ALKBH3: variants seen among roughly 807,000 people sequenced by gnomAD.
ALKBH3 encodes the protein alpha-ketoglutarate-dependent dioxygenase alkB homolog 3.
ALKBH3 carries 51 observed loss-of-function variants against 43.9 expected under a neutral mutation model. That is an observed-to-expected ratio of 1.16 (90% CI 0.93 to 1.47). The LOEUF (loss-of-function observed/expected upper bound fraction) is 1.47. ALKBH3 is among the 40% of genes most tolerant of loss of function. The pLI is 0.00. For missense variants in ALKBH3, 361 were observed against 351.9 expected (o/e 1.03, Z -0.21); for synonymous variants, 102 against 115.2 (o/e 0.89, Z 0.73).
At chr11:43,890,590 G>A (rs561346575) in intron 6 of ALKBH3, among the ~76,000 whole-genome samples, 1 of 152,276 alleles carries the variant, frequency 6.6e-6, no homozygotes, top group South Asian at 2.1e-4. Context: ...TAGTGGCTGG[G>A]CGTGGTGGCT....
intron 8 of ALKBH3, among the ~76,000 whole-genome samples, chr11:43,908,942 T>C (rs1951916530): frequency 6.6e-6 from 1 of 152,180 alleles, no homozygotes; most frequent in Non-Finnish European, 1.5e-5. Context: ...TCCCATGTCA[T>C]TGAGCTTTTA....
chr11:43,894,634 T>C (rs1426853588), intron 7 of ALKBH3, among the ~76,000 whole-genome samples: 1 of 152,182 alleles, frequency 6.6e-6, no homozygotes, highest in Non-Finnish European at 1.5e-5. Flanking sequence ...AAGTGCTAAT[T>C]AGATTCCCAG....
chr11:43,896,749 G>A (rs1424968846), intron 7 of ALKBH3, among the ~76,000 whole-genome samples: 2 of 152,096 alleles, frequency 1.3e-5, no homozygotes, highest in Non-Finnish European at 2.9e-5. Context: ...GAGATCAGTG[G>A]TAATATTGTT....
intron 4 of ALKBH3, among the ~76,000 whole-genome samples, chr11:43,885,650 A>G (rs1364288893): frequency 6.6e-6 from 1 of 152,194 alleles, no homozygotes; most frequent in East Asian, 1.9e-4. Flanking sequence ...CAACAGCTTT[A>G]TACATTTCCA....
In ALKBH3 at chr11:43,901,496, T is replaced by A; in HGVS notation, c.460-20T>A. The stretch of plus-strand genomic sequence containing the variant: ...GTGTAATGCGACTGTCTTGCCCTTT[T>A]CTTGGTCTGTGGATTGCAGTGGCAC... On this transcript the variant is annotated intron_variant, in intron 7 of 9. Coordinates refer to ENST00000302708, the MANE Select transcript of ALKBH3 (RefSeq NM_139178.4). 6.2e-7 allele frequency: 1 copy of A among 1,612,370 alleles called. No homozygotes were observed. The highest frequency in any genetic ancestry group is 8.5e-7 in the Non-Finnish European group (1 of 1,179,628).
intron 7 of ALKBH3, chr11:43,898,122 G>C: frequency 4.4e-6 from 5 of 1,135,960 alleles, no homozygotes; most frequent in Non-Finnish European, 6.7e-6. Flanking sequence ...CTGAGCCCGT[G>C]GTGGGCATCC....
intron 5 of ALKBH3, among the ~76,000 whole-genome samples, chr11:43,888,322 T>C (rs61883989): frequency 7.7e-5 from 2 of 25,894 alleles, no homozygotes; most frequent in Non-Finnish European, 2.5e-4. Context: ...AGGCTGGCCT[T>C]GAACTCCTGG....
chr11:43,885,772 A>G (rs1431705236), intron 4 of ALKBH3, among the ~76,000 whole-genome samples: 3 of 152,256 alleles, frequency 2.0e-5, no homozygotes, highest in Non-Finnish European at 4.4e-5. Flanking sequence ...ATAAAATAAA[A>G]TAGACATTTA....
At chr11:43,916,328 C>G (rs1951983103) in intron 8 of ALKBH3, among the ~76,000 whole-genome samples, 1 of 152,116 alleles carries the variant, frequency 6.6e-6, no homozygotes, top group African/African-American at 2.4e-5. Flanking sequence ...CATAATTAAG[C>G]CTTCAAATGA....
intron 8 of ALKBH3, among the ~76,000 whole-genome samples, chr11:43,904,871 G>C (rs2135195702): frequency 6.6e-6 from 1 of 152,244 alleles, no homozygotes; most frequent in South Asian, 2.1e-4. Context: ...GTAGGAGTCT[G>C]ACTTCCTGTA....
chr11:43,916,507 A>G (rs1451057322), intron 8 of ALKBH3, among the ~76,000 whole-genome samples: 2 of 152,128 alleles, frequency 1.3e-5, no homozygotes, highest in Non-Finnish European at 1.5e-5. Flanking sequence ...GCTTTTAACC[A>G]GGATGAGTGA....
chr11:43,907,755 G>A (rs1447742168), intron 8 of ALKBH3, among the ~76,000 whole-genome samples: 1 of 152,160 alleles, frequency 6.6e-6, no homozygotes, highest in Non-Finnish European at 1.5e-5. Flanking sequence ...CACAGGTGGT[G>A]AGACTGGGAG....
intron 5 of ALKBH3, 142 bp downstream of exon 5, chr11:43,886,795 C>T (rs1951749681): frequency 2.4e-6 from 2 of 839,092 alleles, no homozygotes; most frequent in Non-Finnish European, 3.7e-6. Context: ...GAAAGCATGT[C>T]CTTTGCGGGA....
chr11:43,882,610 C>T lies in ALKBH3; in HGVS notation c.-43C>T. On this transcript the variant is annotated 5_prime_UTR_variant, in exon 2 of 10. Transcript: ENST00000302708. ...ACCATGGAGTAGTTTGAAACAGGAA[C>T]AAAATCTTCTGAAAGCTCGGAGCAG... is the stretch of plus-strand genomic sequence containing the variant. 1 of 1,578,342 alleles carries T rather than the reference C, an allele frequency of 6.3e-7. No homozygotes were observed. The highest frequency in any genetic ancestry group is 8.6e-7 in the Non-Finnish European group (1 of 1,163,572).
At chr11:43,905,972 A>G (rs1461200585) in intron 8 of ALKBH3, among the ~76,000 whole-genome samples, 2 of 152,204 alleles carry the variant, frequency 1.3e-5, no homozygotes, top group Admixed American at 1.3e-4. Context: ...AATAGCAGGA[A>G]GTTTGTGATG....
intron 7 of ALKBH3, among the ~76,000 whole-genome samples, 179 bp downstream of exon 7, chr11:43,892,308 A>G (rs1951789661): frequency 6.6e-6 from 1 of 152,224 alleles, no homozygotes; most frequent in Non-Finnish European, 1.5e-5. Context: ...GAGGATGAGA[A>G]AAAACTAGAA....
rs181957945 is a variant in ALKBH3, at chr11:43,882,951, T to G, written c.80-134T>G. The G allele has an allele frequency of 5.3e-4, 441 of 833,684 alleles. 1 individual carries two copies. In the African/African-American group the frequency reaches 7.2e-3, roughly 14 times the overall value. 51.6% of individuals were successfully genotyped at this position (833,684 alleles called of 1,614,324 possible). A position where few individuals can be genotyped will look rare whatever the true frequency, so the allele number is the denominator to read the frequency against. On this transcript the variant is annotated intron_variant, in intron 2 of 9. Transcript: ENST00000302708. Reference sequence around the variant, plus strand: ...CACACCCTCAAACCTTTCAGTATCTTCTGTTGACTTTACCAGTTAGTTTCT... The same window carrying G: ...CACACCCTCAAACCTTTCAGTATCTGCTGTTGACTTTACCAGTTAGTTTCT...
At chr11:43,918,673 A>G (rs1270335096) in intron 8 of ALKBH3, 1 of 171,184 alleles carries the variant, frequency 5.8e-6, no homozygotes, top group Non-Finnish European at 1.2e-5. Flanking sequence ...TGTACAGGTG[A>G]CTTTTATTTC....
intron 7 of ALKBH3, chr11:43,897,232 T>C (rs1951825057): frequency 1.8e-6 from 1 of 540,600 alleles, no homozygotes; most frequent in African/African-American, 1.9e-5. Flanking sequence ...AGTCAGCACC[T>C]GTTAGTGGAA....
Sources: allele counts gnomAD v4.1 joint callset (sites outside exome capture counted in the v4.1 genomes callset), GRCh38; gene constraint gnomAD v4.1.1; transcripts MANE v1.5; gene names NCBI Gene and HGNC (gene_info 2026-07-23, HGNC 2026-07-21).